CLASP1: variants seen among roughly 807,000 people sequenced by gnomAD.
CLASP1 encodes the protein CLIP-associating protein 1.
Under a neutral mutation model 192.3 loss-of-function variants are expected in CLASP1, and 38 were observed. That is an observed-to-expected ratio of 0.20 (90% CI 0.15 to 0.26). CLASP1 has a LOEUF of 0.26. Ranked by LOEUF, CLASP1 falls within the 10% of genes least tolerant of loss-of-function variation. The pLI, the probability that CLASP1 is intolerant of heterozygous loss-of-function variation, is 1.00. For missense variants in CLASP1, 1,433 were observed against 1,932.5 expected, an observed-to-expected ratio of 0.74 and a Z score of 4.85; for synonymous variants, 691 against 712.8, an observed-to-expected ratio of 0.97 and a Z score of 0.49.
chr2:121,610,071 C>T (rs1298288227), intron 1 of CLASP1, among the ~76,000 whole-genome samples: 1 of 152,148 alleles, frequency 6.6e-6, no homozygotes, highest in African/African-American at 2.4e-5. Context: ...TTTTTCTAAA[C>T]ATTTGCAATT....
chr2:121,361,504 T>C (rs999818865), intron 37 of CLASP1, among the ~76,000 whole-genome samples: 7 of 152,234 alleles, frequency 4.6e-5, no homozygotes, highest in African/African-American at 1.4e-4. Flanking sequence ...ACAGTTCCTC[T>C]AGGACAAGCT....
chr2:121,377,646 C>A (rs578121908), exon 34 of CLASP1: 33 of 1,560,064 alleles, frequency 2.1e-5, no homozygotes, highest in Non-Finnish European at 2.9e-5. Context: ...CATAGTCCAG[C>A]ATGCTAAAGA....
intron 25 of CLASP1, among the ~76,000 whole-genome samples, chr2:121,406,293 C>A (rs916329545): frequency 2.0e-5 from 3 of 152,136 alleles, no homozygotes; most frequent in African/African-American, 7.2e-5. Flanking sequence ...AAGAAAAAAG[C>A]AAAAACGATC....
intron 26 of CLASP1, chr2:121,403,333 C>G: frequency 1.6e-5 from 7 of 450,026 alleles, no homozygotes; most frequent in South Asian, 1.1e-4. Context: ...TGCCCCAGAG[C>G]AGGTACTCAG....
intron 22 of CLASP1, among the ~76,000 whole-genome samples, chr2:121,419,943 GATTT>G (rs945826434): frequency 4.6e-5 from 7 of 152,158 alleles, no homozygotes; most frequent in Admixed American, 2.6e-4. Flanking sequence ...TGAGAGCAAA[GATTT>G]ATTATACAGC....
At chr2:121,632,211 T>C (rs544569389) in intron 1 of CLASP1, among the ~76,000 whole-genome samples, 1 of 152,294 alleles carries the variant, frequency 6.6e-6, no homozygotes, top group South Asian at 2.1e-4. Flanking sequence ...GCCACTGTAC[T>C]CTAGCCTGGG....
intron 2 of CLASP1, chr2:121,530,976 T>A (rs371749022): frequency 1.4e-6 from 1 of 700,196 alleles, no homozygotes; most frequent in South Asian, 1.5e-5. Context: ...CAACTAGAGC[T>A]TTTGCTTTAT....
chr2:121,504,631 A>G (rs1052059623), intron 7 of CLASP1, among the ~76,000 whole-genome samples: 1 of 152,162 alleles, frequency 6.6e-6, no homozygotes, highest in Non-Finnish European at 1.5e-5. Context: ...AGTGCCCATT[A>G]TGTGCCCAAC....
intron 8 of CLASP1, among the ~76,000 whole-genome samples, chr2:121,484,746 T>C (rs2092852727): frequency 6.6e-6 from 1 of 152,142 alleles, no homozygotes. Flanking sequence ...TTTCTTAAGC[T>C]CTGAGTTCAT....
At chr2:121,455,700 A>C (rs1037651416) in intron 14 of CLASP1, among the ~76,000 whole-genome samples, 8 of 152,244 alleles carry the variant, frequency 5.3e-5, no homozygotes, top group Middle Eastern at 3.4e-3. Context: ...TCTCTACAAA[A>C]AATTTAAAAC....
chr2:121,414,290 G>T (rs1311024132), intron 23 of CLASP1, among the ~76,000 whole-genome samples, 87 bp from the exon 24 acceptor site: 1 of 152,206 alleles, frequency 6.6e-6, no homozygotes, highest in Admixed American at 6.5e-5. Flanking sequence ...GAAATGCAGA[G>T]ACTGCTACCA....
chr2:121,480,953 C>T lies in CLASP1; in HGVS notation c.713-10993G>A, dbSNP rs724403. Among the ~76,000 whole-genome samples, 6 of 152,194 alleles carry T rather than the reference C, an allele frequency of 3.9e-5. No individual in the cohort carries two copies. In the East Asian group the frequency reaches 9.7e-4, roughly 25 times the overall value. On this transcript the variant is annotated intron_variant, in intron 8 of 39. Coordinates refer to ENST00000263710, the Ensembl canonical transcript of CLASP1. Reference sequence around the variant, plus strand: ...CAGAGTCAGGGGCAGTGAGAACCGACGTCTAATGCCTGGCATGCGTCCAAA... The same window carrying T: ...CAGAGTCAGGGGCAGTGAGAACCGATGTCTAATGCCTGGCATGCGTCCAAA...
rs555609754 is a variant in CLASP1 at position 121,530,921 on chromosome 2, C to G, written c.196-596G>C. 91 of 699,762 alleles carry G rather than the reference C, an allele frequency of 1.3e-4. No homozygotes were observed. Among genetic ancestry groups the G allele is most frequent in the Admixed American group, 6.8e-4 (34 of 49,986 alleles). 43.3% of individuals were successfully genotyped at this position (699,762 alleles called of 1,614,324 possible). On this transcript the variant is annotated intron_variant, in intron 2 of 39. Coordinates refer to ENST00000263710, the Ensembl canonical transcript of CLASP1. ...GGGTTGCGCTACTGTCCAATGAGCGCATAGTGAGGGCAGTACTGCTAACGC... is the reference window on the plus strand; with the variant it reads ...GGGTTGCGCTACTGTCCAATGAGCGGATAGTGAGGGCAGTACTGCTAACGC...
chr2:121,429,611 G>C (rs1296838577), intron 20 of CLASP1, among the ~76,000 whole-genome samples: 1 of 152,228 alleles, frequency 6.6e-6, no homozygotes, highest in African/African-American at 2.4e-5. Flanking sequence ...CACATGGCAG[G>C]AAGAGAGGTG....
chr2:121,452,808 C>T (rs1181822212), intron 14 of CLASP1, among the ~76,000 whole-genome samples: 3 of 152,022 alleles, frequency 2.0e-5, no homozygotes, highest in African/African-American at 7.2e-5. Flanking sequence ...AACAAACAAA[C>T]AAACAAATAA....
chr2:121,518,389 C>T (rs1233496126), intron 6 of CLASP1, among the ~76,000 whole-genome samples: 1 of 151,960 alleles, frequency 6.6e-6, no homozygotes, highest in Non-Finnish European at 1.5e-5. Context: ...GAGATGGCAG[C>T]CATCTACAAG....
intron 2 of CLASP1, among the ~76,000 whole-genome samples, chr2:121,581,886 AAAAAG>A (rs1238965216): frequency 2.0e-5 from 3 of 152,106 alleles, no homozygotes; most frequent in Non-Finnish European, 4.4e-5. Flanking sequence ...TACTGTCTCA[AAAAAG>A]AAAAGAAAAG....
intron 39 of CLASP1, among the ~76,000 whole-genome samples, chr2:121,341,535 A>G (rs1003368755): frequency 1.3e-5 from 2 of 152,270 alleles, no homozygotes; most frequent in African/African-American, 4.8e-5. Context: ...TATGCTGTCT[A>G]TAAGAAATTC....
At chr2:121,478,845 AC>A (rs2092167945) in intron 8 of CLASP1, among the ~76,000 whole-genome samples, 1 of 70,394 alleles carries the variant, frequency 1.4e-5, no homozygotes, top group Non-Finnish European at 2.5e-5. Context: ...CACCACACAC[AC>A]ACCACACACC....
Sources: allele counts gnomAD v4.1 joint callset (sites outside exome capture counted in the v4.1 genomes callset), GRCh38; gene constraint gnomAD v4.1.1; transcripts MANE v1.5; gene names NCBI Gene and HGNC (gene_info 2026-07-23, HGNC 2026-07-21).